DOK6: variants seen among roughly 807,000 people sequenced by gnomAD.
DOK6 encodes downstream of tyrosine kinase 6.
DOK6 carries 22 observed loss-of-function variants against 44.0 expected under a neutral mutation model. That is an observed-to-expected ratio of 0.50 (90% CI 0.36 to 0.71). The LOEUF (loss-of-function observed/expected upper bound fraction) is 0.71. DOK6 is among the 30% of genes least tolerant of loss of function. The pLI, the probability that DOK6 is intolerant of heterozygous loss-of-function variation, is 0.00. For missense variants in DOK6, 340 were observed against 416.4 expected (o/e 0.82, Z 1.60); for synonymous variants, 166 against 145.5 (o/e 1.14, Z -1.01).
intron 1 of DOK6, among the ~76,000 whole-genome samples, chr18:69,416,115 A>C (rs61346992): frequency 9.6e-4 from 122 of 127,698 alleles, no homozygotes; most frequent in Middle Eastern, 3.8e-3. Flanking sequence ...AGAGGGATGG[A>C]GGGAGGGACG....
intron 5 of DOK6, among the ~76,000 whole-genome samples, chr18:69,711,838 T>C (rs953951619): frequency 1.1e-4 from 16 of 152,342 alleles, no homozygotes; most frequent in Middle Eastern, 3.4e-3. Context: ...TTTAATACTT[T>C]GTGAATTCTG....
intron 7 of DOK6, among the ~76,000 whole-genome samples, chr18:69,800,154 C>G (rs181611415): frequency 1.0e-3 from 152 of 151,664 alleles, no homozygotes; most frequent in African/African-American, 3.2e-3. Flanking sequence ...TGCATTGAAA[C>G]AGTAAATGAA....
chr18:69,602,693 A>G (rs929018088), intron 3 of DOK6, among the ~76,000 whole-genome samples: 1 of 152,336 alleles, frequency 6.6e-6, no homozygotes, highest in Middle Eastern at 3.4e-3. Flanking sequence ...TATTTTTGCA[A>G]TAATTCTTTC....
Position 69,818,986 on chromosome 18 carries a change from G to A in DOK6, c.857-22258G>A, listed in dbSNP as rs147980448. 1.6e-3 allele frequency among the ~76,000 whole-genome samples: 248 copies of A among 152,234 alleles called. 3 individuals carry two copies. Among genetic ancestry groups the A allele is most frequent in the African/African-American group, 5.4e-3 (225 of 41,544 alleles). Reference sequence around the variant, plus strand: ...AAGTGGAAGAAATTTTTTAAAATACGGTGAAAATCAAAGTTTTACATACAT... The same window carrying A: ...AAGTGGAAGAAATTTTTTAAAATACAGTGAAAATCAAAGTTTTACATACAT... On this transcript the variant is annotated intron_variant, in intron 7 of 7. Coordinates refer to ENST00000382713, the MANE Select transcript of DOK6 (RefSeq NM_152721.6).
chr18:69,738,110 G>C (rs553485615), intron 5 of DOK6, among the ~76,000 whole-genome samples: 1 of 152,268 alleles, frequency 6.6e-6, no homozygotes, highest in South Asian at 2.1e-4. Flanking sequence ...CACAGTTGCA[G>C]CCTCTGTAAT....
At chr18:69,765,765 C>T (rs1979695489) in intron 7 of DOK6, among the ~76,000 whole-genome samples, 1 of 152,102 alleles carries the variant, frequency 6.6e-6, no homozygotes, top group South Asian at 2.1e-4. Flanking sequence ...CCACTACTGA[C>T]TGATGTGATT....
chr18:69,726,643 A>G (rs1199308276), intron 5 of DOK6, among the ~76,000 whole-genome samples: 6 of 151,844 alleles, frequency 4.0e-5, no homozygotes, highest in African/African-American at 1.5e-4. Flanking sequence ...ACACACATAT[A>G]TGTACATGTA....
chr18:69,808,460 A>C (rs1215303442), intron 7 of DOK6, among the ~76,000 whole-genome samples: 1 of 151,836 alleles, frequency 6.6e-6, no homozygotes, highest in Admixed American at 6.6e-5. Context: ...AGTTAGAGAC[A>C]AGAAAAACAA....
At chr18:69,678,358 C>G (rs1311424819) in intron 4 of DOK6, among the ~76,000 whole-genome samples, 1 of 152,170 alleles carries the variant, frequency 6.6e-6, no homozygotes, top group Middle Eastern at 3.2e-3. Context: ...CTCCTGGCTT[C>G]TTGTCTGTGG....
chr18:69,699,222 G>T (rs1387420673), intron 5 of DOK6, among the ~76,000 whole-genome samples: 1 of 152,026 alleles, frequency 6.6e-6, no homozygotes, highest in African/African-American at 2.4e-5. Context: ...TAAGACTTAG[G>T]TTTGGGGATT....
chr18:69,508,198 G>A (rs1981249946), intron 1 of DOK6, among the ~76,000 whole-genome samples: 1 of 152,078 alleles, frequency 6.6e-6, no homozygotes, highest in African/African-American at 2.4e-5. Context: ...CTTGGTTACT[G>A]GAAGAAATTC....
At position 69,428,807 on chromosome 18, in the gene DOK6, C is replaced by G. The variant is rs181140519; in HGVS notation, c.66+27497C>G. On this transcript the variant is annotated intron_variant, in intron 1 of 7. Transcript: ENST00000382713. The stretch of plus-strand genomic sequence containing the variant: ...GTAAAAATAAAAGGACTTGCTCAAA[C>G]AAACTCCTAGAGTGTCAGTGTGGTA... Among the ~76,000 whole-genome samples, 8 of 151,744 alleles carry G rather than the reference C, an allele frequency of 5.3e-5. No homozygotes were observed. The East Asian group carries it at 9.6e-4, about 18-fold the overall frequency.
chr18:69,695,950 G>A (rs545077955), intron 4 of DOK6, among the ~76,000 whole-genome samples: 129 of 152,256 alleles, frequency 8.5e-4, no homozygotes, highest in South Asian at 7.7e-3. Context: ...AGAGGGTAGA[G>A]GCACCACGGG....
intron 1 of DOK6, among the ~76,000 whole-genome samples, chr18:69,531,719 C>A (rs529889014): frequency 4.9e-4 from 75 of 152,154 alleles, no homozygotes; most frequent in Non-Finnish European, 9.9e-4. Flanking sequence ...TCTTTTTGCC[C>A]TCTTTTTACT....
intron 7 of DOK6, among the ~76,000 whole-genome samples, chr18:69,774,133 G>GATAGATATATATATATATATATATAT (rs1555670145): frequency 6.0e-5 from 4 of 66,896 alleles, no homozygotes; most frequent in East Asian, 6.9e-4. Context: ...ATATATATGA[G>GATAGATATATATATATATATATATAT]ATATATATAT....
At chr18:69,693,405 G>A (rs1986312705) in intron 4 of DOK6, among the ~76,000 whole-genome samples, 1 of 151,296 alleles carries the variant, frequency 6.6e-6, no homozygotes, top group African/African-American at 2.4e-5. Context: ...TTATGTGTAT[G>A]CAGTCACAAT....
intron 1 of DOK6, among the ~76,000 whole-genome samples, chr18:69,467,939 T>C (rs1437976707): frequency 6.6e-6 from 1 of 152,168 alleles, no homozygotes; most frequent in Non-Finnish European, 1.5e-5. Flanking sequence ...TTGTAAATAA[T>C]AGCATGGAGA....
At chr18:69,693,854 C>A (rs1259511924) in intron 4 of DOK6, among the ~76,000 whole-genome samples, 1 of 150,132 alleles carries the variant, frequency 6.7e-6, no homozygotes, top group African/African-American at 2.5e-5. Context: ...GTCAGGAGAT[C>A]GAGACCATCC....
At chr18:69,603,573 C>T (rs776828486) in intron 3 of DOK6, among the ~76,000 whole-genome samples, 5 of 152,144 alleles carry the variant, frequency 3.3e-5, no homozygotes, top group Non-Finnish European at 5.9e-5. Context: ...AGATCGAGAG[C>T]ATCCTGGCTA....
Sources: allele counts gnomAD v4.1 joint callset (sites outside exome capture counted in the v4.1 genomes callset), GRCh38; gene constraint gnomAD v4.1.1; transcripts MANE v1.5; gene names NCBI Gene and HGNC (gene_info 2026-07-23, HGNC 2026-07-21).